METTL27: variants seen among roughly 807,000 people sequenced by gnomAD.
The protein encoded by METTL27 is methyltransferase-like protein 27.
In METTL27, 29 loss-of-function variants were observed where a neutral mutation model predicts 24.5. The ratio of observed to expected loss-of-function variants is 1.18; its 90% CI spans 0.88 to 1.61. The LOEUF (loss-of-function observed/expected upper bound fraction) is 1.61. METTL27 is among the 40% of genes most tolerant of loss of function. The pLI is 0.00. For missense variants in METTL27, 341 were observed against 324.3 expected, an observed-to-expected ratio of 1.05 and a Z score of -0.40; for synonymous variants, 138 against 146.8, an observed-to-expected ratio of 0.94 and a Z score of 0.43.
chr7:73,840,139 G>C lies in METTL27; in HGVS notation c.389-19C>G. The C allele has an allele frequency of 6.9e-7, 1 of 1,451,664 alleles. No individual in the cohort carries two copies. Among genetic ancestry groups the C allele is most frequent in the Non-Finnish European group, 9.5e-7 (1 of 1,052,092 alleles). The allele number at this position is 1,451,664 out of a possible 1,614,324, so 89.9% of individuals were successfully genotyped here. ...AAGGTCCCTGTGTGTGTGTGGGGGG[G>C]GGTGGGGACATGGTGTGATGCTTGG... is the stretch of plus-strand genomic sequence containing the variant. On this transcript the variant is annotated intron_variant, in intron 4 of 5. Coordinates refer to ENST00000297873, the MANE Select transcript of METTL27 (RefSeq NM_152559.3).
chr7:73,840,236 G>A (rs1013699047), intron 4 of METTL27, 116 bp from the exon 5 acceptor site: 1 of 1,451,938 alleles, frequency 6.9e-7, no homozygotes, highest in East Asian at 2.4e-5. Flanking sequence ...GCATCTGCAG[G>A]ACCCAGGTCC....
Position 73,840,014 on chromosome 7 carries a change from G to GC in METTL27, c.478+16dup. Reference sequence around the variant, plus strand: ...TGGTGACGGGGGTTGGGGGTGGTTGGCTGGGCTGCTCCTCACCTGGCTTGG... The same window carrying GC: ...TGGTGACGGGGGTTGGGGGTGGTTGGCCTGGGCTGCTCCTCACCTGGCTTGG... On this transcript the variant is annotated intron_variant, in intron 5 of 5. Transcript: ENST00000297873. 1 of 1,598,526 alleles carries GC rather than the reference G, an allele frequency of 6.3e-7. No individual in the cohort carries two copies. Among genetic ancestry groups the GC allele is most frequent in the Middle Eastern group, 1.7e-4 (1 of 5,960 alleles).
At chr7:73,836,132 GGGGGGT>G (rs1788180975) in intron 5 of METTL27, among the ~76,000 whole-genome samples, 1 of 111,572 alleles carries the variant, frequency 9.0e-6, no homozygotes, top group Admixed American at 8.8e-5. Flanking sequence ...GAGGGAGGTG[GGGGGGT>G]CAGCCCCCTG....
chr7:73,840,682 A>C, intron 3 of METTL27, 133 bp from the exon 4 acceptor site: 3 of 1,279,056 alleles, frequency 2.3e-6, no homozygotes, highest in Non-Finnish European at 2.1e-6. Flanking sequence ...TTTTTGAGAC[A>C]AGGTCTCTCT....
chr7:73,834,788 C>G lies in METTL27; in HGVS notation c.693G>C (p.Leu231Phe). ...GCCTTCCACTTTCGGTACAGGTAGA[C>G]AATGCCGGAGATGAAGCCATCCTTG... ...SLPRMASSPA[L>F]STCTESGRRP... The change falls in exon 6 of 6, where the codon TTG becomes TTC. Residue 231 changes from leucine (L) to phenylalanine (F), a missense_variant. Transcript: ENST00000297873. 1.2e-6 allele frequency: 2 copies of G among 1,614,178 alleles called. No homozygotes were observed. Among genetic ancestry groups the G allele is most frequent in the Non-Finnish European group, 1.7e-6 (2 of 1,180,034 alleles).
chr7:73,837,388 T>C (rs1173000956), intron 5 of METTL27, among the ~76,000 whole-genome samples: 8 of 139,004 alleles, frequency 5.8e-5, no homozygotes, highest in African/African-American at 1.4e-4. Flanking sequence ...AAATAAAAGA[T>C]TGGGGACAAA....
intron 5 of METTL27, 59 bp downstream of exon 5, chr7:73,839,972 G>T: frequency 6.7e-7 from 1 of 1,487,400 alleles, no homozygotes; most frequent in Non-Finnish European, 9.2e-7. Flanking sequence ...TCTGCACTAT[G>T]CACAGGGGAA....
Position 73,835,092 on chromosome 7 carries a change from G to C in METTL27, c.479-90C>G, listed in dbSNP as rs114039321. 1.9e-3 allele frequency: 2,746 copies of C among 1,465,192 alleles called. 45 individuals are homozygous for C. In the African/African-American group the frequency reaches 0.033, roughly 18 times the overall value. The allele number at this position is 1,465,192 out of a possible 1,614,324, so 90.8% of individuals were successfully genotyped here. On this transcript the variant is annotated intron_variant, in intron 5 of 5. Coordinates refer to ENST00000297873, the MANE Select transcript of METTL27 (RefSeq NM_152559.3). ...GGGGATGGTTGTCCCTTCAAGGCAA[G>C]AAATTCGACTTAAAAGATTGGGGAC...
chr7:73,838,989 A>C (rs1444154616), intron 5 of METTL27, among the ~76,000 whole-genome samples: 2 of 152,168 alleles, frequency 1.3e-5, no homozygotes, highest in Non-Finnish European at 2.9e-5. Flanking sequence ...TCTTCTCTAC[A>C]TTCATGGAGC....
chr7:73,840,982 G>A, intron 3 of METTL27, 88 bp downstream of exon 3: 2 of 1,386,582 alleles, frequency 1.4e-6, no homozygotes, highest in Middle Eastern at 2.1e-4. Context: ...AGTCTGAGGT[G>A]TGGGGCAGGG....
Position 73,834,856 on chromosome 7 carries a change from T to A in METTL27, c.625A>T (p.Ser209Cys). The stretch of plus-strand genomic sequence containing the variant: ...CACCTCCAGCTCGGAGGTAGCCAGC[T>A]CCCAGCGGTCCACAGGCGGTCCACA... ...WPVDRLWTAG[S>C]WLPPSWRWYP... is the part of the protein sequence containing the mutation. The change falls in exon 6 of 6, where the codon AGC becomes TGC. Residue 209 changes from serine (S) to cysteine (C), a missense_variant. Transcript: ENST00000297873. 1 of 1,614,038 alleles carries A rather than the reference T, an allele frequency of 6.2e-7. No homozygotes were observed. The highest frequency in any genetic ancestry group is 1.7e-5 in the Admixed American group (1 of 60,024).
intron 5 of METTL27, 123 bp downstream of exon 5, chr7:73,839,908 G>C: frequency 1.2e-6 from 1 of 858,254 alleles, no homozygotes; most frequent in Non-Finnish European, 1.7e-6. Flanking sequence ...GGCTGTGTGT[G>C]ACGCTGGGCA....
chr7:73,838,052 T>G (rs1788257196), intron 5 of METTL27, among the ~76,000 whole-genome samples: 1 of 151,854 alleles, frequency 6.6e-6, no homozygotes, highest in Admixed American at 6.6e-5. Flanking sequence ...GGGGTCTTGC[T>G]ATGTTGTCCA....
In METTL27 at chr7:73,840,661, CT is replaced by C. The variant is rs58061220; in HGVS notation, c.253-113del. 1.4e-3 allele frequency: 1,976 copies of C among 1,429,922 alleles called. 28 individuals carry two copies. The African/African-American group carries it at 0.024, about 18-fold the overall frequency. 88.6% of individuals were successfully genotyped at this position (1,429,922 alleles called of 1,614,324 possible). A position where few individuals can be genotyped will look rare whatever the true frequency, so the allele number is the denominator to read the frequency against. Reference sequence around the variant, plus strand: ...GCACTGAATGTGGCCCATGCATTTGCTTTTTTTAAATTTTTGAGACAAGGTC... The same window carrying C: ...GCACTGAATGTGGCCCATGCATTTGCTTTTTTAAATTTTTGAGACAAGGTC... On this transcript the variant is annotated intron_variant, in intron 3 of 5. Transcript: ENST00000297873.
In METTL27 at chr7:73,835,018, A is replaced by G. The variant is rs782617320; in HGVS notation, c.479-16T>C. The G allele has an allele frequency of 8.8e-6, 14 of 1,599,462 alleles. No individual in the cohort carries two copies. The highest frequency in any genetic ancestry group is 1.2e-5 in the Non-Finnish European group (14 of 1,174,198). Reference sequence around the variant, plus strand: ...ACCAGCCCACCTGGGGGAGAGGGGTAGGTGAGGTGGGGGAGGGGCAGGAGC... The same window carrying G: ...ACCAGCCCACCTGGGGGAGAGGGGTGGGTGAGGTGGGGGAGGGGCAGGAGC... On this transcript the variant is annotated splice_polypyrimidine_tract_variant and intron_variant, in intron 5 of 5. Transcript: ENST00000297873.
chr7:73,840,372 A>G lies in METTL27; in HGVS notation c.388+42T>C, dbSNP rs782464625. On this transcript the variant is annotated intron_variant, in intron 4 of 5. Coordinates refer to ENST00000297873, the MANE Select transcript of METTL27 (RefSeq NM_152559.3). ...GAGGATCAGCAAGGGAAAGGGCTTCATGAGGGTGGGCCTCGGGGTGTGGAG... is the reference window on the plus strand; with the variant it reads ...GAGGATCAGCAAGGGAAAGGGCTTCGTGAGGGTGGGCCTCGGGGTGTGGAG... 13 of 1,552,144 alleles carry G rather than the reference A, an allele frequency of 8.4e-6. No individual in the cohort carries two copies. In the South Asian group the frequency reaches 1.5e-4, roughly 18 times the overall value.
chr7:73,836,803 C>G (rs1266486708), intron 5 of METTL27, among the ~76,000 whole-genome samples: 1 of 81,672 alleles, frequency 1.2e-5, no homozygotes, highest in African/African-American at 3.6e-5. Context: ...TCATTGAGAA[C>G]GAGCCAGGAT....
chr7:73,840,385 T>C (rs1554636110), intron 4 of METTL27, 29 bp downstream of exon 4: 1 of 1,555,070 alleles, frequency 6.4e-7, no homozygotes, highest in South Asian at 1.2e-5. Context: ...AGGGTGGGCC[T>C]CGGGGTGTGG....
chr7:73,836,249 G>A (rs1160389295), intron 5 of METTL27, among the ~76,000 whole-genome samples: 7 of 112,302 alleles, frequency 6.2e-5, no homozygotes, highest in Non-Finnish European at 1.4e-4. Context: ...CCCCCCGCCC[G>A]GCCAGCCGCC....
Sources: allele counts gnomAD v4.1 joint callset (sites outside exome capture counted in the v4.1 genomes callset), GRCh38; gene constraint gnomAD v4.1.1; transcripts MANE v1.5; gene names NCBI Gene and HGNC (gene_info 2026-07-23, HGNC 2026-07-21).